TDRKH: variants seen among roughly 807,000 people sequenced by gnomAD.
TDRKH encodes tudor and KH domain containing.
Under a neutral mutation model 61.3 loss-of-function variants are expected in TDRKH, and 28 were observed. That is an observed-to-expected ratio of 0.46 (90% confidence interval 0.34 to 0.63). TDRKH has a LOEUF of 0.63. TDRKH is among the 20% of genes least tolerant of loss of function. The pLI, the probability that TDRKH is intolerant of heterozygous loss-of-function variation, is 0.01. For synonymous variants in TDRKH, 219 were observed against 244.4 expected, an observed-to-expected ratio of 0.90 and a Z score of 0.97; for missense variants, 540 against 683.4, an observed-to-expected ratio of 0.79 and a Z score of 2.34.
At position 151,779,308 on chromosome 1, in the gene TDRKH, ACT is replaced by A. The variant is rs760616145; in HGVS notation, c.422-68_422-67del. The stretch of plus-strand genomic sequence containing the variant: ...GCCAACCTTAGCTACTGGAGAAATC[ACT>A]GTTTTGTATATACTAGGAGAAGAGA... On this transcript the variant is annotated intron_variant, in intron 4 of 12. Transcript: ENST00000368824. 7.4e-5 allele frequency: 116 copies of A among 1,575,626 alleles called. No individual in the cohort carries two copies. In the East Asian group the frequency reaches 2.5e-3, roughly 33 times the overall value.
intron 1 of TDRKH, among the ~76,000 whole-genome samples, chr1:151,789,017 A>G (rs371411336): frequency 1.5e-4 from 23 of 152,326 alleles, no homozygotes; most frequent in African/African-American, 5.3e-4. Context: ...CCAGGTGTCA[A>G]TGATGGAGAT....
downstream of TDRKH, chr1:151,771,589 A>AT: frequency 3.0e-6 from 1 of 334,452 alleles, no homozygotes; most frequent in African/African-American, 2.1e-5. Flanking sequence ...TTATCCATAT[A>AT]TTTCAGTTGA....
chr1:151,770,363 G>C (rs1252729835), downstream of TDRKH: 3 of 1,439,552 alleles, frequency 2.1e-6, no homozygotes, highest in Non-Finnish European at 2.8e-6. Flanking sequence ...GCACCCTCAG[G>C]CATTTCAGGG....
chr1:151,770,392 AC>A, downstream of TDRKH: 1 of 1,273,910 alleles, frequency 7.8e-7, no homozygotes, highest in Non-Finnish European at 1.1e-6. Flanking sequence ...CTTCCCACCT[AC>A]CACGAAGGTG....
chr1:151,768,854 G>T (rs1648471373), downstream of TDRKH, among the ~76,000 whole-genome samples: 1 of 152,174 alleles, frequency 6.6e-6, no homozygotes, highest in South Asian at 2.1e-4. Flanking sequence ...TGAGATTAGG[G>T]AGTGGTGATG....
At chr1:151,781,317 C>CAAA (rs58169893) in intron 3 of TDRKH, among the ~76,000 whole-genome samples, 164 bp downstream of exon 3, 1 of 64,752 alleles carries the variant, frequency 1.5e-5, no homozygotes, top group Non-Finnish European at 3.9e-5. Flanking sequence ...AACTCCATCT[C>CAAA]AAAAAAAAAA....
At chr1:151,767,047 A>G (rs1402804602), downstream of TDRKH, 5 of 1,470,680 alleles carry the variant, frequency 3.4e-6, no homozygotes, top group East Asian at 4.5e-5. Flanking sequence ...TGGGCCCAGG[A>G]ACATAGAAAC....
intron 3 of TDRKH, among the ~76,000 whole-genome samples, chr1:151,780,437 G>C (rs1053986124): frequency 2.6e-5 from 4 of 152,210 alleles, no homozygotes; most frequent in African/African-American, 4.8e-5. Context: ...ATTTGGATTA[G>C]AGAATCAAAT....
chr1:151,775,926 A>T, intron 8 of TDRKH, 42 bp from the exon 9 acceptor site: 1 of 1,600,328 alleles, frequency 6.2e-7, no homozygotes, highest in African/African-American at 1.3e-5. Context: ...GGGGCCAAAA[A>T]CATCTTCTTA....
intron 1 of TDRKH, among the ~76,000 whole-genome samples, chr1:151,787,180 T>C (rs1650392585): frequency 6.6e-6 from 1 of 152,216 alleles, no homozygotes; most frequent in African/African-American, 2.4e-5. Context: ...ATTCTTGGTG[T>C]CTAGAAAGAA....
chr1:151,779,182 T>A lies in TDRKH; in HGVS notation c.482A>T (p.Asp161Val), dbSNP rs1412715240. The part of the protein sequence containing the change: ...CKASGAKITC[D>V]KESEGTLLLS... The stretch of plus-strand genomic sequence containing the variant: ...TAGTAATGTCCCTTCTGATTCTTTG[T>A]CACAGGTAATTTTGGCTCCAGATGC... Residue 161 changes from aspartate to valine, a missense_variant, in exon 5 of 13, where the codon GAC becomes GTC. This residue lies in a region of TDRKH where 156 missense variants were observed against 218.0 expected (regional missense o/e 0.72). Coordinates refer to ENST00000368824, the MANE Select transcript of TDRKH (RefSeq NM_001083965.2). 6.2e-7 allele frequency: 1 copy of A among 1,614,262 alleles called. No individual in the cohort carries two copies. The highest frequency in any genetic ancestry group is 8.5e-7 in the Non-Finnish European group (1 of 1,180,052).
intron 8 of TDRKH, 68 bp from the exon 9 acceptor site, chr1:151,775,952 A>G: frequency 6.3e-7 from 1 of 1,589,028 alleles, no homozygotes; most frequent in Non-Finnish European, 8.6e-7. Context: ...CTGCTTTCAG[A>G]AAGAACCAAC....
chr1:151,788,621 C>T (rs750412695), intron 1 of TDRKH, among the ~76,000 whole-genome samples: 5 of 152,124 alleles, frequency 3.3e-5, no homozygotes, highest in African/African-American at 4.8e-5. Context: ...TGGGAAACTG[C>T]GGCTAAGGGA....
At position 151,774,687 on chromosome 1, in the gene TDRKH, T is replaced by A. The variant is rs1558137466; in HGVS notation, c.1633+23A>T. ...GAAAAGTTAATCTCCAAAGATGCTCTAGGGAGGAAATACTGCTTGTACCTG... is the reference window on the plus strand; with the variant it reads ...GAAAAGTTAATCTCCAAAGATGCTCAAGGGAGGAAATACTGCTTGTACCTG... On this transcript the variant is annotated intron_variant, in intron 12 of 12. Transcript: ENST00000368824. The A allele has an allele frequency of 6.2e-6, 10 of 1,611,908 alleles. 1 individual carries two copies. In the South Asian group the frequency reaches 1.1e-4, roughly 18 times the overall value.
At chr1:151,781,706 T>G (rs1035098408) in intron 2 of TDRKH, 119 bp from the exon 3 acceptor site, 1 of 822,850 alleles carries the variant, frequency 1.2e-6, no homozygotes, top group Non-Finnish European at 1.9e-6. Flanking sequence ...AAAGTGAGGA[T>G]CTCAACCATA....
downstream of TDRKH, chr1:151,766,525 T>A (rs554967732): frequency 1.8e-5 from 11 of 608,342 alleles, no homozygotes; most frequent in East Asian, 3.1e-4. Context: ...AGCCATAACA[T>A]GCATACTAGT....
rs1649144208 is a variant in TDRKH at position 151,776,091 on chromosome 1, C to G, written c.1217+5G>C. 1 of 1,611,126 alleles carries G rather than the reference C, an allele frequency of 6.2e-7. No individual in the cohort carries two copies. ...AGTTGGGATTGAGCTGACCTCAGCA[C>G]TGACCTGAGAGCCCTGAGGTCCTTC... On this transcript the variant is annotated splice_donor_5th_base_variant and intron_variant, in intron 8 of 12. Transcript: ENST00000368824.
At chr1:151,781,860 A>C in intron 2 of TDRKH, 1 of 448,702 alleles carries the variant, frequency 2.2e-6, no homozygotes, top group Non-Finnish European at 4.2e-6. Context: ...TGGGCAAACT[A>C]CTTCTCCCAA....
downstream of TDRKH, chr1:151,770,131 G>A: frequency 6.2e-7 from 1 of 1,609,328 alleles, no homozygotes; most frequent in Non-Finnish European, 8.5e-7. Flanking sequence ...AGAGGGAGAG[G>A]GAGCGGCCAA....
Sources: gnomAD v4.1 joint callset for allele counts (sites outside exome capture counted in the v4.1 genomes callset) on GRCh38, gnomAD v4.1.1 for gene constraint, gnomAD v4.1.1 regional missense constraint, MANE v1.5 for transcripts, NCBI Gene and HGNC (gene_info 2026-07-23, HGNC 2026-07-21) for gene names.